The following PIK3R5 variants were observed in gnomAD, a reference collection of about 807,000 sequenced individuals.
The protein encoded by PIK3R5 is phosphoinositide 3-kinase regulatory subunit 5.
Under a neutral mutation model 94.9 loss-of-function variants are expected in PIK3R5, and 32 were observed. The observed-to-expected ratio is 0.34, with a 90% CI of 0.25 to 0.45. PIK3R5 has a LOEUF of 0.45. PIK3R5 is among the 20% of genes least tolerant of loss of function. The pLI is 1.00. For missense variants in PIK3R5, 853 were observed against 1,144.6 expected (o/e 0.75, Z 3.68); for synonymous variants, 443 against 479.4 (o/e 0.92, Z 0.99).
In PIK3R5 at chr17:8,884,913, G is replaced by C. The variant is rs1268820473; in HGVS notation, c.2129-130C>G. ...ATGGACCGTGACTCCCTAGGGATCTGTCTCACCAAGGCCCTGCCTCTCTCT... is the reference window on the plus strand; with the variant it reads ...ATGGACCGTGACTCCCTAGGGATCTCTCTCACCAAGGCCCTGCCTCTCTCT... On this transcript the variant is annotated intron_variant, in intron 14 of 18. Transcript: ENST00000447110. The surrounding 1 kb of genome is among the most constrained non-coding windows in gnomAD (Gnocchi z 5.8). The C allele has an allele frequency of 1.3e-4, 91 of 718,680 alleles. No individual in the cohort carries two copies. The East Asian group carries it at 2.4e-3, about 19-fold the overall frequency. The allele number at this position is 718,680 out of a possible 1,614,324, so 44.5% of individuals were successfully genotyped here. A position where few individuals can be genotyped will look rare whatever the true frequency, so the allele number is the denominator to read the frequency against.
At position 8,928,309 on chromosome 17, in the gene PIK3R5, G is replaced by A. The variant is rs567706014; in HGVS notation, c.-13-16802C>T. Among the ~76,000 whole-genome samples the A allele has an allele frequency of 2.6e-5, 4 of 152,286 alleles. 1 individual carries two copies. The highest frequency in any genetic ancestry group is 2.0e-4 in the Admixed American group (3 of 15,300). On this transcript the variant is annotated intron_variant, in intron 1 of 18. Coordinates refer to ENST00000447110, the MANE Select transcript of PIK3R5 (RefSeq NM_001142633.3). Reference sequence around the variant, plus strand: ...CTGAAGAGGAGAACCTCCTGGGAGAGGAGAAAGAAGGCAGGGCTGAAAAAG... The same window carrying A: ...CTGAAGAGGAGAACCTCCTGGGAGAAGAGAAAGAAGGCAGGGCTGAAAAAG...
chr17:8,882,125 C>G lies in PIK3R5; in HGVS notation c.2206-244G>C. 1.9e-6 allele frequency: 1 copy of G among 524,048 alleles called. No individual in the cohort carries two copies. The highest frequency in any genetic ancestry group is 3.5e-6 in the Non-Finnish European group (1 of 289,438). The allele number at this position is 524,048 out of a possible 1,614,324, so 32.5% of individuals were successfully genotyped here. A position where few individuals can be genotyped will look rare whatever the true frequency, so the allele number is the denominator to read the frequency against. ...GTGACCAGGTTGAAAGGTACAAGAGCTGAGAGCACCTGCAGGGGTGGTCCT... is the reference window on the plus strand; with the variant it reads ...GTGACCAGGTTGAAAGGTACAAGAGGTGAGAGCACCTGCAGGGGTGGTCCT... On this transcript the variant is annotated intron_variant, in intron 15 of 18. Coordinates refer to ENST00000447110, the MANE Select transcript of PIK3R5 (RefSeq NM_001142633.3). This position sits in a 1 kb window ranked among gnomAD's most constrained non-coding sequence, Gnocchi z 4.1.
intron 1 of PIK3R5, among the ~76,000 whole-genome samples, chr17:8,919,845 T>G: frequency 6.7e-6 from 1 of 150,074 alleles, no homozygotes; most frequent in East Asian, 1.9e-4. Flanking sequence ...CCTCTCCTTC[T>G]CTCTCTCTCT....
chr17:8,928,521 C>T (rs1180761568), intron 1 of PIK3R5, among the ~76,000 whole-genome samples: 1 of 152,066 alleles, frequency 6.6e-6, no homozygotes, highest in Non-Finnish European at 1.5e-5. Context: ...AGAAACAACA[C>T]CTTATCTTAG....
chr17:8,912,969 G>T (rs912300122), intron 1 of PIK3R5, among the ~76,000 whole-genome samples: 7 of 152,190 alleles, frequency 4.6e-5, no homozygotes, highest in African/African-American at 1.7e-4. Flanking sequence ...TTCCATCACG[G>T]GTTCACTGAC....
At chr17:8,903,472 TTA>T (rs1244504862) in intron 5 of PIK3R5, among the ~76,000 whole-genome samples, 4 of 150,164 alleles carry the variant, frequency 2.7e-5, no homozygotes, top group Non-Finnish European at 5.9e-5. Context: ...TTTATTTTCT[TTA>T]TATATAAATT....
intron 5 of PIK3R5, among the ~76,000 whole-genome samples, chr17:8,901,188 GT>G: frequency 6.6e-6 from 1 of 152,142 alleles, no homozygotes; most frequent in East Asian, 1.9e-4. Context: ...TTTAGGGTTT[GT>G]TCCTTTAACT....
At position 8,884,583 on chromosome 17, in the gene PIK3R5, T is replaced by A. The variant is rs1196912615; in HGVS notation, c.2205+124A>T. The stretch of plus-strand genomic sequence containing the variant: ...TCTCTCAGCATCCAGGGGAGCCTGC[T>A]GCAGCCTTCCAGCGTAAAGACTGGG... On this transcript the variant is annotated intron_variant, in intron 15 of 18. Transcript: ENST00000447110. The surrounding 1 kb of genome is among the most constrained non-coding windows in gnomAD (Gnocchi z 5.8). 6.9e-6 allele frequency: 5 copies of A among 721,688 alleles called. No homozygotes were observed. The highest frequency in any genetic ancestry group is 1.2e-5 in the Non-Finnish European group (5 of 412,426). The allele number at this position is 721,688 out of a possible 1,614,324, so 44.7% of individuals were successfully genotyped here.
At chr17:8,897,529 A>T (rs1299075263) in intron 5 of PIK3R5, among the ~76,000 whole-genome samples, 1 of 152,170 alleles carries the variant, frequency 6.6e-6, no homozygotes, top group Non-Finnish European at 1.5e-5. Flanking sequence ...CCCTTTCACC[A>T]CCCTGGTGAG....
chr17:8,901,810 T>C (rs952836388), intron 5 of PIK3R5, among the ~76,000 whole-genome samples: 2 of 152,208 alleles, frequency 1.3e-5, no homozygotes, highest in African/African-American at 4.8e-5. Context: ...TTCCACCAAA[T>C]GACTTTGCCG....
intron 1 of PIK3R5, among the ~76,000 whole-genome samples, chr17:8,951,403 C>A (rs1488286114): frequency 6.6e-6 from 1 of 152,134 alleles, no homozygotes; most frequent in African/African-American, 2.4e-5. Context: ...ACACTAACTC[C>A]CCGCCACTTC....
rs1597437113 is a variant in PIK3R5, at chr17:8,955,372, G to A, written c.-14+10224C>T. On this transcript the variant is annotated intron_variant, in intron 1 of 18. Coordinates refer to ENST00000447110, the MANE Select transcript of PIK3R5 (RefSeq NM_001142633.3). The surrounding 1 kb of genome is among the most constrained non-coding windows in gnomAD (Gnocchi z 4.4). ...GCTTCCCTCATTGGGAAGGGGATGA[G>A]TGAGGCAAGAACACACGTTAGGTCT... is the stretch of plus-strand genomic sequence containing the variant. Among the ~76,000 whole-genome samples, 1 of 152,220 alleles carries A rather than the reference G, an allele frequency of 6.6e-6. No homozygotes were observed. Among genetic ancestry groups the A allele is most frequent in the African/African-American group, 2.4e-5 (1 of 41,452 alleles).
At chr17:8,956,249 T>C (rs9898255) in intron 1 of PIK3R5, among the ~76,000 whole-genome samples, 14,621 of 151,696 alleles carry the variant, frequency 0.096, 1,779 homozygotes, top group African/African-American at 0.29. Context: ...GAAGAGACTA[T>C]TGGAACTTGC....
In PIK3R5 at chr17:8,888,248, C is replaced by T; in HGVS notation, c.1539G>A (p.Lys513=). The T allele has an allele frequency of 6.2e-7, 1 of 1,613,510 alleles. No individual in the cohort carries two copies. The highest frequency in any genetic ancestry group is 8.5e-7 in the Non-Finnish European group (1 of 1,179,954). Residue 513 remains lysine (K), a synonymous_variant, in exon 10 of 19, where the codon AAG becomes AAA. Coordinates refer to ENST00000447110, the MANE Select transcript of PIK3R5 (RefSeq NM_001142633.3). This position sits in a 1 kb window ranked among gnomAD's most constrained non-coding sequence, Gnocchi z 7.8. ...RPFLSGDEDP[K]ASTLRVVVFG... ...AGACCACAACACGTAGCGTGGAAGC[C>T]TTGGGATCCTCATCTCCACTCAGGA...
chr17:8,923,664 C>A (rs918364802), intron 1 of PIK3R5, among the ~76,000 whole-genome samples: 2 of 152,174 alleles, frequency 1.3e-5, no homozygotes, highest in African/African-American at 4.8e-5. Context: ...CTGGGCTAAA[C>A]CTTGGGCACT....
rs1168150178 is a variant in PIK3R5 at position 8,888,923 on chromosome 17, C to A, written c.896-32G>T. 6.4e-7 allele frequency: 1 copy of A among 1,568,548 alleles called. No homozygotes were observed. Among genetic ancestry groups the A allele is most frequent in the Non-Finnish European group, 8.6e-7 (1 of 1,161,434 alleles). ...GGAAGCAAGGCCAGCACTGTCTGGG[C>A]GTCTGGGCCCCGGATCCCCTTCTAT... On this transcript the variant is annotated intron_variant, in intron 9 of 18. Transcript: ENST00000447110. The surrounding 1 kb of genome is among the most constrained non-coding windows in gnomAD (Gnocchi z 7.8).
rs1344459337 is a variant in PIK3R5 at position 8,884,943 on chromosome 17, C to T, written c.2129-160G>A. On this transcript the variant is annotated intron_variant, in intron 14 of 18. Transcript: ENST00000447110. This position sits in a 1 kb window ranked among gnomAD's most constrained non-coding sequence, Gnocchi z 5.8. ...ACCAAGGCCCTGCCTCTCTCTCTGG[C>T]TCCACGTTCTGGGGATCTCCACCTC... 3 of 629,126 alleles carry T rather than the reference C, an allele frequency of 4.8e-6. No individual in the cohort carries two copies. Among genetic ancestry groups the T allele is most frequent in the Non-Finnish European group, 8.6e-6 (3 of 349,952 alleles). The allele number at this position is 629,126 out of a possible 1,614,324, so 39.0% of individuals were successfully genotyped here. A position where few individuals can be genotyped will look rare whatever the true frequency, so the allele number is the denominator to read the frequency against.
At chr17:8,939,932 C>G (rs1170011938) in intron 1 of PIK3R5, among the ~76,000 whole-genome samples, 2 of 152,220 alleles carry the variant, frequency 1.3e-5, no homozygotes, top group African/African-American at 4.8e-5. Flanking sequence ...TTCTGGAAAG[C>G]TCCAAATAGA....
rs61759658 is a variant in PIK3R5, at chr17:8,889,179, G to T, written c.855C>A (p.Val285=). ...PGKLHTIPIP[V]ARCYTYSWSQ... Reference sequence around the variant, plus strand: ...TCCAGCTGTAGGTGTAGCACCTGGCGACAGGGATGGGGATGGTGTGGAGCT... The same window carrying T: ...TCCAGCTGTAGGTGTAGCACCTGGCTACAGGGATGGGGATGGTGTGGAGCT... The change falls in exon 9 of 19, where the codon GTC becomes GTA. Residue 285 remains valine (V), a synonymous_variant. Transcript: ENST00000447110. This position sits in a 1 kb window ranked among gnomAD's most constrained non-coding sequence, Gnocchi z 4.1. The T allele has an allele frequency of 1.2e-6, 2 of 1,614,058 alleles. No individual in the cohort carries two copies. The highest frequency in any genetic ancestry group is 1.1e-5 in the South Asian group (1 of 91,074).
Sources: allele counts gnomAD v4.1 joint callset (sites outside exome capture counted in the v4.1 genomes callset), GRCh38; gene constraint gnomAD v4.1.1; non-coding constraint Gnocchi (gnomAD v3.1); transcripts MANE v1.5; gene names NCBI Gene and HGNC (gene_info 2026-07-23, HGNC 2026-07-21).